CUBN: variants seen among roughly 807,000 people sequenced by gnomAD.
The protein encoded by CUBN is cubilin, also known as 460 kDa receptor.
A neutral mutation model predicts 405.3 loss-of-function variants in CUBN; 282 were observed. The observed-to-expected ratio is 0.70, with a 90% confidence interval of 0.63 to 0.77. CUBN has a LOEUF of 0.77. CUBN is among the 30% of genes least tolerant of loss of function. The pLI, the probability that CUBN is intolerant of heterozygous loss-of-function variation, is 0.00. For synonymous variants in CUBN, 1,684 were observed against 1,617.0 expected (o/e 1.04, Z -0.99); for missense variants, 4,514 against 4,475.2 (o/e 1.01, Z -0.25).
intron 26 of CUBN, among the ~76,000 whole-genome samples, chr10:17,043,415 A>G (rs1400866971): frequency 6.6e-6 from 1 of 152,182 alleles, no homozygotes; most frequent in Non-Finnish European, 1.5e-5. Context: ...TACTATGTAC[A>G]TTGGAATAAT....
chr10:17,072,908 C>T (rs1197343921), intron 17 of CUBN, among the ~76,000 whole-genome samples: 1 of 152,000 alleles, frequency 6.6e-6, no homozygotes, highest in African/African-American at 2.4e-5. Context: ...AAGATTTGAA[C>T]AGACATAAGT....
intron 57 of CUBN, 77 bp downstream of exon 57, chr10:16,876,820 G>T: frequency 1.7e-6 from 2 of 1,208,280 alleles, no homozygotes; most frequent in Non-Finnish European, 2.5e-6. Context: ...AGTGCTGTAT[G>T]AATCGCAGTG....
intron 22 of CUBN, among the ~76,000 whole-genome samples, chr10:17,060,142 A>G (rs1489316811): frequency 6.8e-6 from 1 of 148,074 alleles, no homozygotes; most frequent in African/African-American, 2.5e-5. Flanking sequence ...TTTTTTTTTC[A>G]TGGAGTTTCG....
chr10:17,001,667 T>C (rs1195162668), intron 28 of CUBN, among the ~76,000 whole-genome samples: 1 of 152,254 alleles, frequency 6.6e-6, no homozygotes, highest in Non-Finnish European at 1.5e-5. Context: ...GAATGAGATG[T>C]CAATTAAACC....
chr10:16,901,918 T>TATATATAC (rs1236540013), intron 51 of CUBN, among the ~76,000 whole-genome samples: 1 of 109,906 alleles, frequency 9.1e-6, no homozygotes, highest in Non-Finnish European at 1.7e-5. Flanking sequence ...TATATATATA[T>TATATATAC]ACACACACAC....
chr10:16,901,874 T>C (rs1031396352), intron 51 of CUBN, among the ~76,000 whole-genome samples: 1 of 122,218 alleles, frequency 8.2e-6, no homozygotes, highest in African/African-American at 3.1e-5. Flanking sequence ...ATATTATATA[T>C]ATACACCATA....
intron 31 of CUBN, among the ~76,000 whole-genome samples, chr10:16,968,017 G>GAGAGGA (rs764423108): frequency 7.9e-5 from 12 of 151,890 alleles, no homozygotes; most frequent in Non-Finnish European, 1.5e-4. Context: ...AAGAGAGGGA[G>GAGAGGA]AGAGGAAGAG....
intron 31 of CUBN, among the ~76,000 whole-genome samples, chr10:16,964,904 C>A (rs1447683722): frequency 6.6e-6 from 1 of 152,216 alleles, no homozygotes; most frequent in African/African-American, 2.4e-5. Flanking sequence ...ACAACTGTAT[C>A]GTAGACATCA....
chr10:17,067,933 A>T, intron 21 of CUBN, 131 bp downstream of exon 21: 1 of 728,470 alleles, frequency 1.4e-6, no homozygotes, highest in Non-Finnish European at 2.4e-6. Context: ...AGTTATGTAG[A>T]AATGGTCATT....
chr10:17,122,151 A>G (rs2131322172), intron 6 of CUBN: 1 of 154,890 alleles, frequency 6.5e-6, no homozygotes, highest in Admixed American at 6.4e-5. Context: ...TCTGCTTAAA[A>G]AGGGAAGGGA....
chr10:16,881,118 T>A (rs528766076), intron 56 of CUBN, among the ~76,000 whole-genome samples: 1 of 152,302 alleles, frequency 6.6e-6, no homozygotes, highest in South Asian at 2.1e-4. Flanking sequence ...GTTATAGAAA[T>A]TATTTAGCAA....
intron 38 of CUBN, among the ~76,000 whole-genome samples, chr10:16,938,145 T>C (rs1588499393): frequency 6.6e-6 from 1 of 151,770 alleles, no homozygotes; most frequent in East Asian, 1.9e-4. Flanking sequence ...AAGGGAGGAA[T>C]TAGGAAGAAA....
At chr10:16,874,024 C>T (rs151261099) in intron 58 of CUBN, among the ~76,000 whole-genome samples, 1 of 152,172 alleles carries the variant, frequency 6.6e-6, no homozygotes, top group East Asian at 1.9e-4. Context: ...TAATAAATAC[C>T]CAACACATGG....
intron 30 of CUBN, among the ~76,000 whole-genome samples, chr10:16,983,325 AGCTCTTAT>A (rs1833331107): frequency 6.6e-6 from 1 of 151,972 alleles, no homozygotes; most frequent in African/African-American, 2.4e-5. Flanking sequence ...TTTAGGGGAG[AGCTCTTAT>A]ATAGATACCT....
At chr10:17,025,407 A>G (rs1834632457) in intron 27 of CUBN, among the ~76,000 whole-genome samples, 1 of 152,238 alleles carries the variant, frequency 6.6e-6, no homozygotes, top group African/African-American at 2.4e-5. Context: ...AAATTTAGAG[A>G]ACACAATTTT....
intron 17 of CUBN, among the ~76,000 whole-genome samples, chr10:17,076,492 A>G (rs1835857798): frequency 6.6e-6 from 1 of 152,078 alleles, no homozygotes; most frequent in South Asian, 2.1e-4. Context: ...CAAAAAAAAA[A>G]AAAAAAAAAC....
At chr10:16,902,059 G>T (rs1841403703) in intron 51 of CUBN, among the ~76,000 whole-genome samples, 1 of 122,518 alleles carries the variant, frequency 8.2e-6, no homozygotes, top group African/African-American at 3.2e-5. Context: ...ACCATATATA[G>T]GGTATATATA....
In CUBN at chr10:17,088,229, C is replaced by A. The variant is rs201421596; in HGVS notation, c.1882G>T (p.Val628Leu). 2 of 1,613,752 alleles carry A rather than the reference C, an allele frequency of 1.2e-6. No individual in the cohort carries two copies. The highest frequency in any genetic ancestry group is 1.7e-6 in the Non-Finnish European group (2 of 1,179,732). The part of the protein sequence containing the change: ...WIVVTSPDLL[V>L]TFTFGTLSLE... ...CTCAAGGTCCCAAAAGTAAATGTTA[C>A]CAGGAGGTCAGGACTAGTTACAACA... The change falls in exon 15 of 67, where the codon GTA (valine) becomes TTA (leucine). Residue 628 changes from valine to leucine, a missense_variant. By Grantham distance (32) the Val-to-Leu change is conservative. This residue lies in a region of CUBN where 1,448 missense variants were observed against 1,388.0 expected (regional missense o/e 1.04). Transcript: ENST00000377833.
intron 28 of CUBN, among the ~76,000 whole-genome samples, chr10:16,996,397 C>A (rs973833008): frequency 2.0e-5 from 3 of 152,226 alleles, no homozygotes; most frequent in Non-Finnish European, 4.4e-5. Flanking sequence ...CTTGCTTTAT[C>A]TGCAGGAAGC....
Sources: allele counts gnomAD v4.1 joint callset (sites outside exome capture counted in the v4.1 genomes callset), GRCh38; gene constraint gnomAD v4.1.1; regional missense constraint gnomAD v4.1.1; transcripts MANE v1.5; gene names NCBI Gene and HGNC (gene_info 2026-07-23, HGNC 2026-07-21).